Variants in CGNL1 observed in about 807,000 individuals in gnomAD.
The protein encoded by CGNL1 is cingulin like 1, also known as cingulin-like protein 1.
Under a neutral mutation model 141.2 loss-of-function variants are expected in CGNL1, and 132 were observed. The observed-to-expected ratio is 0.93, with a 90% CI of 0.81 to 1.08. The LOEUF is 1.08. Among genes scored for constraint, CGNL1 ranks in the 50% least tolerant of loss-of-function variants. The probability of loss-of-function intolerance (pLI) is 0.00; values close to 1 mark genes in which losing one functional copy is unlikely to be tolerated. For missense variants in CGNL1, 1,870 were observed against 1,588.6 expected, an observed-to-expected ratio of 1.18 and a Z score of -3.01; for synonymous variants, 690 against 622.1, an observed-to-expected ratio of 1.11 and a Z score of -1.63.
chr15:57,444,946 T>G (rs769359895), intron 4 of CGNL1, among the ~76,000 whole-genome samples: 1 of 152,088 alleles, frequency 6.6e-6, no homozygotes, highest in Non-Finnish European at 1.5e-5. Context: ...GAGGTAAGAT[T>G]AGAGGAAGAG....
At chr15:57,466,507 C>T (rs907143251) in intron 8 of CGNL1, among the ~76,000 whole-genome samples, 1 of 152,184 alleles carries the variant, frequency 6.6e-6, no homozygotes, top group African/African-American at 2.4e-5. Context: ...AGGAACTTCC[C>T]TCGCTGCCTT....
intron 1 of CGNL1, among the ~76,000 whole-genome samples, chr15:57,429,554 TG>T (rs1161341251): frequency 1.3e-5 from 2 of 152,218 alleles, no homozygotes; most frequent in African/African-American, 4.8e-5. Context: ...TCTATGTACA[TG>T]ACAGTATGAA....
At chr15:57,455,555 T>G (rs1380976766) in intron 7 of CGNL1, among the ~76,000 whole-genome samples, 1 of 152,218 alleles carries the variant, frequency 6.6e-6, no homozygotes, top group Non-Finnish European at 1.5e-5. Context: ...ATCTTTCTTC[T>G]GCTAGCCAGC....
At chr15:57,406,018 C>T (rs928423251) in intron 1 of CGNL1, 10 of 152,234 alleles carry the variant, frequency 6.6e-5, no homozygotes, top group South Asian at 2.1e-4. Context: ...CCTAAGGATA[C>T]AGCAGGAAGC....
chr15:57,390,707 G>A (rs919201425), intron 1 of CGNL1, among the ~76,000 whole-genome samples: 2 of 152,132 alleles, frequency 1.3e-5, no homozygotes, highest in Non-Finnish European at 1.5e-5. Context: ...GGCATTTCCT[G>A]TACATTCGCT....
At chr15:57,433,912 T>A (rs2063074569) in intron 1 of CGNL1, among the ~76,000 whole-genome samples, 1 of 152,218 alleles carries the variant, frequency 6.6e-6, no homozygotes, top group Non-Finnish European at 1.5e-5. Flanking sequence ...AATGTATGGG[T>A]TCTTCAGTGG....
intron 12 of CGNL1, among the ~76,000 whole-genome samples, chr15:57,525,873 A>C (rs757184076): frequency 2.0e-5 from 3 of 151,772 alleles, no homozygotes; most frequent in Non-Finnish European, 4.4e-5. Context: ...CTGACATCAC[A>C]GTTCTCTTTG....
intron 10 of CGNL1, among the ~76,000 whole-genome samples, chr15:57,518,903 G>C (rs2031045753): frequency 6.6e-6 from 1 of 152,208 alleles, no homozygotes; most frequent in Non-Finnish European, 1.5e-5. Flanking sequence ...AATATGAGTG[G>C]TGTGAGAAGG....
chr15:57,461,049 G>A (rs975854619), intron 7 of CGNL1, among the ~76,000 whole-genome samples: 14 of 152,282 alleles, frequency 9.2e-5, no homozygotes, highest in African/African-American at 3.1e-4. Context: ...TGGAGGGAAA[G>A]GAATGCCGAG....
intron 1 of CGNL1, among the ~76,000 whole-genome samples, chr15:57,427,893 G>A (rs1343981475): frequency 6.6e-6 from 1 of 152,160 alleles, no homozygotes; most frequent in African/African-American, 2.4e-5. Context: ...CTGTGGATCT[G>A]GTTCTCATGT....
At chr15:57,391,978 C>CCG (rs1555429685) in intron 1 of CGNL1, among the ~76,000 whole-genome samples, 1 of 151,314 alleles carries the variant, frequency 6.6e-6, no homozygotes, top group African/African-American at 2.4e-5. Context: ...TTCTTTCCCC[C>CCG]CCCTCACCTG....
intron 8 of CGNL1, among the ~76,000 whole-genome samples, chr15:57,470,133 G>C (rs111418337): frequency 2.0e-5 from 3 of 152,028 alleles, no homozygotes; most frequent in African/African-American, 7.2e-5. Context: ...CAGGTGCCCA[G>C]GAAAAGGAAA....
intron 1 of CGNL1, among the ~76,000 whole-genome samples, chr15:57,387,257 T>C (rs1363699879): frequency 6.6e-6 from 1 of 152,230 alleles, no homozygotes; most frequent in Non-Finnish European, 1.5e-5. Flanking sequence ...ATCTGTGTAT[T>C]GTAACATGCA....
At chr15:57,431,001 C>T (rs771773982) in intron 1 of CGNL1, among the ~76,000 whole-genome samples, 2 of 152,204 alleles carry the variant, frequency 1.3e-5, no homozygotes, top group South Asian at 2.1e-4. Context: ...GGATTACAGG[C>T]GTGAGCCAGT....
Position 57,519,066 on chromosome 15 carries a change from G to A in CGNL1, c.2715+569G>A, listed in dbSNP as rs552529671. ...GAAGTCATTTCCTTGAAACTGGATA[G>A]CTATCGCTATTCAAAATCAGTAGGT... On this transcript the variant is annotated intron_variant, in intron 10 of 18. Coordinates refer to ENST00000281282, the MANE Select transcript of CGNL1 (RefSeq NM_032866.5). Among the ~76,000 whole-genome samples, 3 of 152,346 alleles carry A rather than the reference G, an allele frequency of 2.0e-5. No individual in the cohort carries two copies. The East Asian group carries it at 5.8e-4, about 29-fold the overall frequency.
At chr15:57,439,703 A>G (rs778125446) in intron 2 of CGNL1, 102 bp downstream of exon 2, 28 of 1,133,324 alleles carry the variant, frequency 2.5e-5, no homozygotes, top group African/African-American at 3.1e-5. Context: ...CACATCCTCA[A>G]TCTTGTATCA....
intron 8 of CGNL1, among the ~76,000 whole-genome samples, chr15:57,474,368 A>C (rs1296525047): frequency 6.6e-6 from 1 of 152,176 alleles, no homozygotes; most frequent in East Asian, 1.9e-4. Context: ...TCTGATAGCC[A>C]CTGGCTCTAG....
At chr15:57,543,426 T>C (rs1400624267) in intron 14 of CGNL1, among the ~76,000 whole-genome samples, 6 of 152,178 alleles carry the variant, frequency 3.9e-5, no homozygotes. Flanking sequence ...GGCGTCAACA[T>C]ATCTTTTTGA....
chr15:57,408,947 A>G (rs1310186036), intron 1 of CGNL1, among the ~76,000 whole-genome samples: 1 of 151,760 alleles, frequency 6.6e-6, no homozygotes, highest in East Asian at 2.0e-4. Context: ...AGGCTGAGGC[A>G]GGAGAATCGC....
Sources: gnomAD v4.1 joint callset for allele counts (sites outside exome capture counted in the v4.1 genomes callset) on GRCh38, gnomAD v4.1.1 for gene constraint, MANE v1.5 for transcripts, NCBI Gene and HGNC (gene_info 2026-07-23, HGNC 2026-07-21) for gene names.